Variants in UST observed in about 807,000 individuals in gnomAD.
UST encodes chondroitin sulfate 2-O-sulfotransferase.
A neutral mutation model predicts 45.6 loss-of-function variants in UST; 21 were observed. That is an observed-to-expected ratio of 0.46 (90% confidence interval 0.33 to 0.66). UST has a LOEUF of 0.66. Among genes scored for constraint, UST ranks in the 30% least tolerant of loss-of-function variants. The probability of loss-of-function intolerance (pLI) is 0.02; values close to 1 mark genes in which losing one functional copy is unlikely to be tolerated. For missense variants in UST, 463 were observed against 512.4 expected (o/e 0.90, Z 0.93); for synonymous variants, 215 against 200.6 (o/e 1.07, Z -0.61).
rs377246814 is a variant in UST, at chr6:148,973,562, C to T, written c.681+8999C>T. The stretch of plus-strand genomic sequence containing the variant: ...TCAGAGGTCTTGCTATTGAAAGAAG[C>T]GATGGGATGAAGTTTTATATAAAGT... On this transcript the variant is annotated intron_variant, in intron 5 of 7. Transcript: ENST00000367463. Among the ~76,000 whole-genome samples the T allele has an allele frequency of 1.7e-4, 26 of 152,290 alleles. 5 individuals are homozygous for T. Among genetic ancestry groups the T allele is most frequent in the East Asian group, 3.9e-4 (2 of 5,192 alleles).
At chr6:148,853,683 G>A (rs1778148980) in intron 1 of UST, among the ~76,000 whole-genome samples, 1 of 152,078 alleles carries the variant, frequency 6.6e-6, no homozygotes, top group South Asian at 2.1e-4. Context: ...ATCTTATTGT[G>A]GTTTTGATTT....
chr6:148,754,999 C>A (rs1276187562), intron 1 of UST, among the ~76,000 whole-genome samples: 2 of 152,126 alleles, frequency 1.3e-5, no homozygotes, highest in South Asian at 2.1e-4. Flanking sequence ...TAACACTTAA[C>A]CTATTTTAGA....
chr6:148,801,764 C>T (rs1038490623), intron 1 of UST, among the ~76,000 whole-genome samples: 2 of 152,144 alleles, frequency 1.3e-5, no homozygotes, highest in African/African-American at 4.8e-5. Flanking sequence ...CTCATTCTCT[C>T]TCTGAGCCCA....
At chr6:148,759,619 C>T (rs1776168590) in intron 1 of UST, among the ~76,000 whole-genome samples, 1 of 150,270 alleles carries the variant, frequency 6.7e-6, no homozygotes, top group Admixed American at 6.6e-5. Flanking sequence ...GAGGCCGAGG[C>T]GGACGGATCA....
chr6:149,003,402 A>C (rs1159195145), intron 5 of UST, among the ~76,000 whole-genome samples: 1 of 151,946 alleles, frequency 6.6e-6, no homozygotes, highest in Admixed American at 6.6e-5. Context: ...TTGCCAAAAT[A>C]TTTTAACGTC....
At chr6:148,840,542 A>C (rs1020938913) in intron 1 of UST, among the ~76,000 whole-genome samples, 1 of 152,158 alleles carries the variant, frequency 6.6e-6, no homozygotes, top group Non-Finnish European at 1.5e-5. Context: ...TTCCAGGCCC[A>C]CCTGCAGATA....
chr6:148,753,682 G>T (rs1201270503), intron 1 of UST, among the ~76,000 whole-genome samples: 1 of 151,948 alleles, frequency 6.6e-6, no homozygotes, highest in African/African-American at 2.4e-5. Flanking sequence ...TGTTCTTATG[G>T]GTATATACCT....
chr6:148,837,699 TTC>T (rs200791101), intron 1 of UST, among the ~76,000 whole-genome samples: 23 of 146,010 alleles, frequency 1.6e-4, no homozygotes, highest in African/African-American at 4.3e-4. Context: ...TTTTTTTTTT[TTC>T]TCTCCTTTTT....
chr6:148,764,941 CT>C (rs1204023101), intron 1 of UST, among the ~76,000 whole-genome samples: 7 of 152,296 alleles, frequency 4.6e-5, no homozygotes, highest in Middle Eastern at 6.8e-3. Context: ...TCATCCCTAT[CT>C]ATATCTGCAT....
At chr6:148,882,740 A>G (rs1397686008) in intron 1 of UST, among the ~76,000 whole-genome samples, 1 of 152,138 alleles carries the variant, frequency 6.6e-6, no homozygotes, top group Non-Finnish European at 1.5e-5. Context: ...ATGTGGGTAA[A>G]ATGCTTGACT....
At chr6:148,887,164 A>T in intron 2 of UST, 135 bp downstream of exon 2, 1 of 711,990 alleles carries the variant, frequency 1.4e-6, no homozygotes, top group Non-Finnish European at 2.4e-6. Flanking sequence ...ATTGATGTTT[A>T]ACTTCTAACA....
intron 7 of UST, among the ~76,000 whole-genome samples, chr6:149,049,921 T>TCACACACACA (rs1392198421): frequency 3.8e-4 from 39 of 101,440 alleles, no homozygotes; most frequent in African/African-American, 1.6e-3. Context: ...TCTCTCTCTC[T>TCACACACACA]CTCTCTCTCT....
At chr6:148,848,669 CAA>C (rs34813628) in intron 1 of UST, among the ~76,000 whole-genome samples, 26 of 102,528 alleles carry the variant, frequency 2.5e-4, no homozygotes, top group African/African-American at 4.1e-4. Flanking sequence ...GACTCCATCT[CAA>C]AAAAAAAAAA....
chr6:148,859,344 A>AT (rs1267212232), intron 1 of UST, among the ~76,000 whole-genome samples: 1 of 151,594 alleles, frequency 6.6e-6, no homozygotes, highest in East Asian at 1.9e-4. Context: ...GGGTTGTTTG[A>AT]TTTTTTTCTT....
intron 1 of UST, among the ~76,000 whole-genome samples, chr6:148,804,491 G>A (rs754095399): frequency 7.2e-5 from 11 of 152,104 alleles, no homozygotes; most frequent in Admixed American, 6.5e-4. Context: ...GCTCCTCTGC[G>A]TGTTTACAAG....
chr6:148,769,127 C>A (rs532139344), intron 1 of UST, among the ~76,000 whole-genome samples: 1 of 152,378 alleles, frequency 6.6e-6, no homozygotes, highest in South Asian at 2.1e-4. Context: ...CAGCTGCATG[C>A]AGCCTTGCAC....
intron 5 of UST, among the ~76,000 whole-genome samples, chr6:148,991,022 G>C (rs1299442726): frequency 2.0e-5 from 3 of 152,340 alleles, no homozygotes; most frequent in Non-Finnish European, 4.4e-5. Flanking sequence ...ACATCCTAGT[G>C]AGGTGAGGCA....
At chr6:148,758,045 T>C (rs1170398669) in intron 1 of UST, among the ~76,000 whole-genome samples, 1 of 152,256 alleles carries the variant, frequency 6.6e-6, no homozygotes, top group Non-Finnish European at 1.5e-5. Flanking sequence ...ATTGCCAATT[T>C]TCTCAGCTTG....
intron 2 of UST, among the ~76,000 whole-genome samples, chr6:148,917,711 T>G (rs973016724): frequency 3.9e-5 from 6 of 152,116 alleles, no homozygotes; most frequent in South Asian, 4.2e-4. Flanking sequence ...GGGGCAGGGG[T>G]CAGCTTCAGG....
Sources: allele counts gnomAD v4.1 joint callset (sites outside exome capture counted in the v4.1 genomes callset), GRCh38; gene constraint gnomAD v4.1.1; transcripts MANE v1.5; gene names NCBI Gene and HGNC (gene_info 2026-07-23, HGNC 2026-07-21).